CYP2C19: variants seen among roughly 807,000 people sequenced by gnomAD.
CYP2C19 encodes cytochrome P450 family 2 subfamily C member 19, also known as cytochrome P450 2C19.
CYP2C19 carries 59 observed loss-of-function variants against 40.9 expected under a neutral mutation model. The ratio of observed to expected loss-of-function variants is 1.44; its 90% confidence interval spans 1.17 to 1.79. The LOEUF (loss-of-function observed/expected upper bound fraction) is 1.79. Among genes scored for constraint, CYP2C19 ranks in the 40% most tolerant of loss-of-function variants. CYP2C19 has a pLI of 0.00. For missense variants in CYP2C19, 754 were observed against 596.9 expected (o/e 1.26, Z -2.74); for synonymous variants, 253 against 208.7 (o/e 1.21, Z -1.83).
chr10:94,769,963 A>G (rs1848303953), intron 1 of CYP2C19, among the ~76,000 whole-genome samples: 1 of 152,182 alleles, frequency 6.6e-6, no homozygotes, highest in Non-Finnish European at 1.5e-5. Flanking sequence ...AAGGCATGTG[A>G]AAAGAGCAAA....
intron 6 of CYP2C19, among the ~76,000 whole-genome samples, chr10:94,834,407 A>G (rs1849370759): frequency 6.6e-6 from 1 of 152,052 alleles, no homozygotes; most frequent in Admixed American, 6.5e-5. Flanking sequence ...GTCTGGCTAA[A>G]AACTTGTCAA....
intron 3 of CYP2C19, 66 bp downstream of exon 3, chr10:94,775,605 A>C: frequency 6.2e-7 from 1 of 1,612,752 alleles, no homozygotes; most frequent in South Asian, 1.1e-5. Context: ...ACATTCTTGG[A>C]AACATTTCAG....
chr10:94,767,326 G>C lies in CYP2C19; in HGVS notation c.168+4453G>C, dbSNP rs74152366. Among the ~76,000 whole-genome samples the C allele has an allele frequency of 3.0e-4, 46 of 152,294 alleles. 1 individual carries two copies. Among genetic ancestry groups the C allele is most frequent in the African/African-American group, 1.1e-3 (44 of 41,574 alleles). On this transcript the variant is annotated intron_variant, in intron 1 of 8. Coordinates refer to ENST00000371321, the MANE Select transcript of CYP2C19 (RefSeq NM_000769.4). ...CCCTAGTGCCCTGGAAATTCCCTAA[G>C]TTATTATGGCTTTAAAAGCCAGACC...
chr10:94,823,897 G>A (rs1849169241), intron 6 of CYP2C19, among the ~76,000 whole-genome samples: 1 of 152,130 alleles, frequency 6.6e-6, no homozygotes, highest in Admixed American at 6.6e-5. Flanking sequence ...TGTCAGGGAG[G>A]CTGCCTTGCA....
chr10:94,839,060 A>T (rs181111899), intron 6 of CYP2C19, among the ~76,000 whole-genome samples: 18 of 152,138 alleles, frequency 1.2e-4, no homozygotes, highest in Non-Finnish European at 1.9e-4. Context: ...GGAAGCCAAC[A>T]CCCCTAGTCA....
intron 5 of CYP2C19, among the ~76,000 whole-genome samples, chr10:94,793,779 T>A (rs2134247674): frequency 6.6e-6 from 1 of 151,988 alleles, no homozygotes; most frequent in South Asian, 2.1e-4. Flanking sequence ...TACTAGGAGG[T>A]GTCTCCCAGT....
At chr10:94,843,822 G>A (rs759779377) in intron 7 of CYP2C19, among the ~76,000 whole-genome samples, 1 of 152,144 alleles carries the variant, frequency 6.6e-6, no homozygotes, top group Non-Finnish European at 1.5e-5. Flanking sequence ...CTGATAGTGG[G>A]CATCCTTGTT....
chr10:94,838,057 T>G (rs1476196082), intron 6 of CYP2C19, among the ~76,000 whole-genome samples: 1 of 152,218 alleles, frequency 6.6e-6, no homozygotes, highest in Non-Finnish European at 1.5e-5. Context: ...GCTTCCTCAA[T>G]GCCTCCCTTA....
chr10:94,781,837 C>T lies in CYP2C19; in HGVS notation c.659C>T (p.Pro220Leu). 2.1e-6 allele frequency: 3 copies of T among 1,435,460 alleles called. No individual in the cohort carries two copies. The highest frequency in any genetic ancestry group is 1.6e-5 in the South Asian group (1 of 60,746). The allele number at this position is 1,435,460 out of a possible 1,614,324, so 88.9% of individuals were successfully genotyped here. The change falls in exon 5 of 9, where the codon CCC becomes CTC. Residue 220 changes from proline to leucine, a missense_variant. Coordinates refer to ENST00000371321, the MANE Select transcript of CYP2C19 (RefSeq NM_000769.4). Reference sequence around the variant, plus strand: ...TTCTCTTAGATATGCAATAATTTTCCCACTATCATTGATTATTTCCCGGGA... The same window carrying T: ...TTCTCTTAGATATGCAATAATTTTCTCACTATCATTGATTATTTCCCGGGA... ...TPWIQICNNF[P>L]TIIDYFPGTH...
At chr10:94,847,448 G>C (rs1434696752) in intron 7 of CYP2C19, among the ~76,000 whole-genome samples, 1 of 152,090 alleles carries the variant, frequency 6.6e-6, no homozygotes, top group East Asian at 1.9e-4. Flanking sequence ...TGGTGTATAT[G>C]TGCCATATTT....
intron 5 of CYP2C19, among the ~76,000 whole-genome samples, chr10:94,808,458 T>G (rs2134258268): frequency 6.6e-6 from 1 of 152,318 alleles, no homozygotes; most frequent in East Asian, 1.9e-4. Flanking sequence ...CTTTAAGTTA[T>G]TTAAAAATGT....
intron 5 of CYP2C19, among the ~76,000 whole-genome samples, chr10:94,783,089 C>T (rs1287874339): frequency 1.3e-5 from 2 of 151,894 alleles, no homozygotes; most frequent in Non-Finnish European, 2.9e-5. Flanking sequence ...GCACATGTAT[C>T]CCAGAACTTA....
intron 5 of CYP2C19, among the ~76,000 whole-genome samples, chr10:94,820,050 G>A (rs1021502278): frequency 2.0e-5 from 3 of 149,814 alleles, no homozygotes; most frequent in Non-Finnish European, 3.0e-5. Context: ...CCATGATCAA[G>A]TGGGCTTCAT....
At chr10:94,818,652 A>G (rs573969518) in intron 5 of CYP2C19, among the ~76,000 whole-genome samples, 35 of 148,568 alleles carry the variant, frequency 2.4e-4, no homozygotes, top group Non-Finnish European at 4.0e-4. Flanking sequence ...CTTTGAAGCA[A>G]TTGTGAATGG....
intron 1 of CYP2C19, 146 bp from the exon 2 acceptor site, chr10:94,774,912 A>T (rs922841859): frequency 2.7e-5 from 23 of 844,452 alleles, no homozygotes; most frequent in Non-Finnish European, 3.6e-5. Flanking sequence ...AATCATCATC[A>T]TGTTTATATA....
Position 94,847,356 on chromosome 10 carries a change from C to A in CYP2C19, c.1150-2561C>A, listed in dbSNP as rs185828148. ...GGTTTTTTGTCCTTGTGATAGTTTG[C>A]TGAGAATGATGGTTTCCAGCTTCAT... is the stretch of plus-strand genomic sequence containing the variant. On this transcript the variant is annotated intron_variant, in intron 7 of 8. Coordinates refer to ENST00000371321, the MANE Select transcript of CYP2C19 (RefSeq NM_000769.4). 1.6e-3 allele frequency among the ~76,000 whole-genome samples: 237 copies of A among 152,202 alleles called. 1 individual carries two copies. Among genetic ancestry groups the A allele is most frequent in the Non-Finnish European group, 2.7e-3 (187 of 68,030 alleles).
chr10:94,788,276 G>A (rs1589352530), intron 5 of CYP2C19, among the ~76,000 whole-genome samples: 1 of 152,154 alleles, frequency 6.6e-6, no homozygotes. Context: ...GAGCTTTTTG[G>A]AAGGTTCTTT....
intron 1 of CYP2C19, among the ~76,000 whole-genome samples, chr10:94,768,976 T>C (rs1351713872): frequency 6.6e-6 from 1 of 152,142 alleles, no homozygotes; most frequent in Non-Finnish European, 1.5e-5. Flanking sequence ...GCTATCTCAC[T>C]GTATCCGGGG....
At chr10:94,816,106 A>T (rs1224543502) in intron 5 of CYP2C19, among the ~76,000 whole-genome samples, 1 of 152,100 alleles carries the variant, frequency 6.6e-6, no homozygotes, top group Non-Finnish European at 1.5e-5. Context: ...TTTTTGCCAA[A>T]AAATATGCTG....
Sources: allele counts gnomAD v4.1 joint callset (sites outside exome capture counted in the v4.1 genomes callset), GRCh38; gene constraint gnomAD v4.1.1; transcripts MANE v1.5; gene names NCBI Gene and HGNC (gene_info 2026-07-23, HGNC 2026-07-21).